Variants in HHIP observed in about 807,000 individuals in gnomAD.
HHIP encodes hedgehog-interacting protein.
Under a neutral mutation model 74.0 loss-of-function variants are expected in HHIP, and 12 were observed. That is an observed-to-expected ratio of 0.16 (90% CI 0.10 to 0.26). The LOEUF (loss-of-function observed/expected upper bound fraction) is 0.26, where lower values mean the gene tolerates loss of function less well. Among genes scored for constraint, HHIP ranks in the 10% least tolerant of loss-of-function variants. The pLI, the probability that HHIP is intolerant of heterozygous loss-of-function variation, is 1.00. For synonymous variants in HHIP, 309 were observed against 311.6 expected (o/e 0.99, Z 0.09); for missense variants, 788 against 845.0 (o/e 0.93, Z 0.84).
At chr4:144,721,525 T>C (rs915538212) in intron 11 of HHIP, among the ~76,000 whole-genome samples, 4 of 146,042 alleles carry the variant, frequency 2.7e-5, no homozygotes, top group South Asian at 2.1e-4. Context: ...TATTCTCTTG[T>C]AAAAATTAAA....
rs148624207 is a variant in HHIP, at chr4:144,724,808, T to C, written c.1760+5852T>C. Among the ~76,000 whole-genome samples, 291 of 151,376 alleles carry C rather than the reference T, an allele frequency of 1.9e-3. 2 individuals are homozygous for C. Among genetic ancestry groups the C allele is most frequent in the African/African-American group, 6.5e-3 (271 of 41,378 alleles). ...TTCTCTTTTATACTAAGTAGTCTCT[T>C]TTAAGCTATCAATTTTGATACTTAG... On this transcript the variant is annotated intron_variant, in intron 11 of 12. Transcript: ENST00000296575.
At chr4:144,654,588 C>T (rs909373417) in intron 2 of HHIP, among the ~76,000 whole-genome samples, 1 of 152,104 alleles carries the variant, frequency 6.6e-6, no homozygotes, top group Admixed American at 6.5e-5. Flanking sequence ...TTATGCTAAT[C>T]GATTTGTTGC....
chr4:144,678,787 A>G (rs571308493), intron 4 of HHIP, among the ~76,000 whole-genome samples: 66 of 152,268 alleles, frequency 4.3e-4, no homozygotes, highest in African/African-American at 1.5e-3. Context: ...TATCCAGTCT[A>G]TCATTGGTGG....
chr4:144,655,634 T>G (rs1193581655), intron 2 of HHIP, among the ~76,000 whole-genome samples: 3 of 152,098 alleles, frequency 2.0e-5, no homozygotes, highest in Admixed American at 6.6e-5. Context: ...AGCTTACACA[T>G]GTGTCTTCTT....
chr4:144,710,226 A>C (rs1427889325), intron 7 of HHIP, among the ~76,000 whole-genome samples: 1 of 152,194 alleles, frequency 6.6e-6, no homozygotes, highest in Non-Finnish European at 1.5e-5. Flanking sequence ...TTTTTCTCAT[A>C]GTTTCTCTAT....
At position 144,681,056 on chromosome 4, in the gene HHIP, TATC is replaced by T. The variant is rs1167190914; in HGVS notation, c.831+21221_831+21223del. On this transcript the variant is annotated intron_variant, in intron 4 of 12. Coordinates refer to ENST00000296575, the MANE Select transcript of HHIP (RefSeq NM_022475.3). Reference sequence around the variant, plus strand: ...AATTTTCAAAGAATGTACATAAAAGTATCATGAAAAATGTGAAAACAGCTTATT... The same window carrying T: ...AATTTTCAAAGAATGTACATAAAAGTATGAAAAATGTGAAAACAGCTTATT... 3.3e-5 allele frequency among the ~76,000 whole-genome samples: 5 copies of T among 152,272 alleles called. No individual in the cohort carries two copies. The East Asian group carries it at 9.6e-4, about 29-fold the overall frequency.
At chr4:144,654,094 AT>A in intron 2 of HHIP, among the ~76,000 whole-genome samples, 1 of 152,146 alleles carries the variant, frequency 6.6e-6, no homozygotes, top group East Asian at 1.9e-4. Context: ...AACACTTAGC[AT>A]TTTTATTTAC....
rs1336617550 is a variant in HHIP, at chr4:144,714,298, C to G, written c.1497C>G (p.Gly499=). The change falls in exon 9 of 13, where the codon GGC becomes GGG. Residue 499 remains glycine, a synonymous_variant. Transcript: ENST00000296575. ...TGGTTGGTGGATTTGTATACCGGGG[C>G]TGCCAGTCAGAAAGATTGTATGGAA... ...GPLVGGFVYR[G]CQSERLYGSY... The G allele has an allele frequency of 6.2e-7, 1 of 1,613,320 alleles. No homozygotes were observed.
chr4:144,711,846 T>C (rs528004940), intron 7 of HHIP, 104 bp from the exon 8 acceptor site: 2 of 1,094,676 alleles, frequency 1.8e-6, no homozygotes, highest in Non-Finnish European at 2.6e-6. Flanking sequence ...TGCCATAGGA[T>C]CCTTGCCAGT....
In HHIP at chr4:144,743,018, A is replaced by G. The variant is rs1387248456; in HGVS notation, c.*5061A>G. The G allele has an allele frequency of 1.4e-5, 1 of 70,306 alleles. No homozygotes were observed. Among genetic ancestry groups the G allele is most frequent in the Non-Finnish European group, 2.9e-5 (1 of 34,094 alleles). 4.4% of individuals were successfully genotyped at this position (70,306 alleles called of 1,614,324 possible). A position where few individuals can be genotyped will look rare whatever the true frequency, so the allele number is the denominator to read the frequency against. On this transcript the variant is annotated 3_prime_UTR_variant, in exon 13 of 13. Transcript: ENST00000296575. ...TATATAATATATATATATTATATAT[A>G]TATAATATATATCTTATATATATAT... is the stretch of plus-strand genomic sequence containing the variant.
chr4:144,704,957 T>G (rs1730090912), intron 4 of HHIP, among the ~76,000 whole-genome samples: 1 of 152,186 alleles, frequency 6.6e-6, no homozygotes, highest in Admixed American at 6.5e-5. Context: ...CAGAACAAGA[T>G]AATCTGAAAA....
At chr4:144,657,867 A>T (rs1020602634) in intron 2 of HHIP, among the ~76,000 whole-genome samples, 1 of 152,216 alleles carries the variant, frequency 6.6e-6, no homozygotes, top group Non-Finnish European at 1.5e-5. Flanking sequence ...AGGTGCAGGA[A>T]AAAGGCACTT....
chr4:144,692,006 C>G (rs377672663), intron 4 of HHIP, among the ~76,000 whole-genome samples: 90 of 152,256 alleles, frequency 5.9e-4, no homozygotes, highest in African/African-American at 2.1e-3. Context: ...CTGGCACCAT[C>G]ATGTACAGGA....
intron 7 of HHIP, among the ~76,000 whole-genome samples, chr4:144,710,317 T>C (rs1730258131): frequency 6.6e-6 from 1 of 152,220 alleles, no homozygotes; most frequent in South Asian, 2.1e-4. Context: ...GACTGTATCA[T>C]GATCCCTGCC....
chr4:144,705,195 C>T (rs749956762), intron 4 of HHIP, among the ~76,000 whole-genome samples: 1 of 152,084 alleles, frequency 6.6e-6, no homozygotes. Context: ...GGAAACAAAT[C>T]GATGTTTATT....
chr4:144,649,468 T>C (rs984034982), intron 1 of HHIP, among the ~76,000 whole-genome samples: 3 of 152,212 alleles, frequency 2.0e-5, no homozygotes, highest in Admixed American at 2.0e-4. Context: ...TAATTTTTTG[T>C]ATATTTTAAT....
At chr4:144,680,985 T>C (rs1729320275) in intron 4 of HHIP, among the ~76,000 whole-genome samples, 1 of 152,216 alleles carries the variant, frequency 6.6e-6, no homozygotes, top group Non-Finnish European at 1.5e-5. Context: ...ATTAACTATA[T>C]ATTTTGACTG....
chr4:144,721,882 G>A, intron 11 of HHIP, among the ~76,000 whole-genome samples: 1 of 149,102 alleles, frequency 6.7e-6, no homozygotes, highest in Non-Finnish European at 1.5e-5. Flanking sequence ...CAGCCTGGGT[G>A]ACAGAGCAAG....
chr4:144,673,453 G>A (rs972809693), intron 4 of HHIP, among the ~76,000 whole-genome samples: 60 of 152,180 alleles, frequency 3.9e-4, no homozygotes, highest in Admixed American at 3.9e-3. Flanking sequence ...CTCTACGCCA[G>A]TTGTAATTGC....
Sources: gnomAD v4.1 joint callset for allele counts (sites outside exome capture counted in the v4.1 genomes callset) on GRCh38, gnomAD v4.1.1 for gene constraint, MANE v1.5 for transcripts, NCBI Gene and HGNC (gene_info 2026-07-23, HGNC 2026-07-21) for gene names.